MYO5B: variants seen among roughly 807,000 people sequenced by gnomAD.
MYO5B encodes myosin VB, also known as unconventional myosin-Vb.
Under a neutral mutation model 229.3 loss-of-function variants are expected in MYO5B, and 143 were observed. The observed-to-expected ratio is 0.62, with a 90% CI of 0.54 to 0.72. The LOEUF is 0.72. Among genes scored for constraint, MYO5B ranks in the 30% least tolerant of loss-of-function variants. The probability of loss-of-function intolerance (pLI) is 0.00; values close to 1 mark genes in which losing one functional copy is unlikely to be tolerated. For synonymous variants in MYO5B, 918 were observed against 885.2 expected, an observed-to-expected ratio of 1.04 and a Z score of -0.66; for missense variants, 2,321 against 2,331.0, an observed-to-expected ratio of 1.00 and a Z score of 0.09.
intron 22 of MYO5B, among the ~76,000 whole-genome samples, chr18:49,882,004 G>A (rs988833390): frequency 6.6e-5 from 10 of 152,092 alleles, no homozygotes; most frequent in Non-Finnish European, 1.5e-4. Flanking sequence ...TCACCTTTGC[G>A]CTTGGATCCC....
At chr18:49,956,510 A>C (rs2025494109) in intron 12 of MYO5B, among the ~76,000 whole-genome samples, 1 of 152,226 alleles carries the variant, frequency 6.6e-6, no homozygotes, top group South Asian at 2.1e-4. Flanking sequence ...AAAGCAGAAC[A>C]AGGTAGAAGG....
intron 21 of MYO5B, among the ~76,000 whole-genome samples, chr18:49,897,101 CT>C (rs2024787265): frequency 6.6e-6 from 1 of 152,126 alleles, no homozygotes; most frequent in Non-Finnish European, 1.5e-5. Flanking sequence ...GCTCCTATGT[CT>C]TTTCATGGGC....
At chr18:50,006,824 C>T (rs1860142412) in intron 4 of MYO5B, among the ~76,000 whole-genome samples, 1 of 152,186 alleles carries the variant, frequency 6.6e-6, no homozygotes, top group African/African-American at 2.4e-5. Flanking sequence ...GCCAGGGAGG[C>T]ACCCAGGGAG....
At chr18:50,029,419 T>C (rs181916153) in intron 4 of MYO5B, among the ~76,000 whole-genome samples, 1 of 152,334 alleles carries the variant, frequency 6.6e-6, no homozygotes, top group East Asian at 1.9e-4. Context: ...TCAGACATTT[T>C]AAGCATCTCT....
At chr18:49,939,287 AG>A (rs770916461) in intron 14 of MYO5B, among the ~76,000 whole-genome samples, 27 of 151,592 alleles carry the variant, frequency 1.8e-4, no homozygotes, top group Non-Finnish European at 2.1e-4. Context: ...CTGGGACTGC[AG>A]GCGTGCACTA....
intron 10 of MYO5B, among the ~76,000 whole-genome samples, chr18:49,967,171 T>C (rs1177159408): frequency 2.0e-5 from 3 of 152,224 alleles, no homozygotes; most frequent in African/African-American, 4.8e-5. Flanking sequence ...GATGGCACAA[T>C]GATCACACTG....
At chr18:50,129,993 C>G (rs1416157170) in intron 1 of MYO5B, among the ~76,000 whole-genome samples, 2 of 152,196 alleles carry the variant, frequency 1.3e-5, no homozygotes, top group Non-Finnish European at 1.5e-5. Context: ...TCAAACCCTT[C>G]CCAGGAGCAG....
At chr18:49,948,546 G>A (rs901570415) in intron 14 of MYO5B, among the ~76,000 whole-genome samples, 1 of 152,186 alleles carries the variant, frequency 6.6e-6, no homozygotes, top group African/African-American at 2.4e-5. Flanking sequence ...ATCTTAAACA[G>A]GAAGCAAAGT....
chr18:49,952,037 G>T lies in MYO5B; in HGVS notation c.1752+1223C>A, dbSNP rs1326867532. Among the ~76,000 whole-genome samples the T allele has an allele frequency of 2.6e-5, 4 of 152,188 alleles. No homozygotes were observed. In the East Asian group the frequency reaches 7.7e-4, roughly 29 times the overall value. On this transcript the variant is annotated intron_variant, in intron 14 of 39. Coordinates refer to ENST00000285039, the MANE Select transcript of MYO5B (RefSeq NM_001080467.3). ...TTGTCCCAGTGATGACTAATTCTCT[G>T]ATGTTCCAGATATCCAGAGATCACA...
chr18:50,063,685 A>C (rs2144433038), intron 1 of MYO5B: 1 of 152,322 alleles, frequency 6.6e-6, no homozygotes, highest in South Asian at 2.1e-4. Flanking sequence ...AACAAAAGTC[A>C]ATTATAACCA....
At chr18:50,013,152 T>C (rs1298834029) in intron 4 of MYO5B, among the ~76,000 whole-genome samples, 1 of 152,198 alleles carries the variant, frequency 6.6e-6, no homozygotes, top group Admixed American at 6.5e-5. Context: ...AGACTCGCTT[T>C]AGTGGGCCAG....
At chr18:49,900,348 C>T (rs891429209) in intron 21 of MYO5B, among the ~76,000 whole-genome samples, 3 of 152,356 alleles carry the variant, frequency 2.0e-5, no homozygotes, top group East Asian at 3.9e-4. Flanking sequence ...TGTATCACAG[C>T]AGGCTGACCA....
intron 1 of MYO5B, among the ~76,000 whole-genome samples, chr18:50,080,844 T>C (rs1373651085): frequency 6.6e-6 from 1 of 152,082 alleles, no homozygotes; most frequent in Non-Finnish European, 1.5e-5. Flanking sequence ...TGCTGAGGTG[T>C]TCATGCAGCA....
chr18:49,973,636 G>C (rs1219874387), intron 10 of MYO5B, among the ~76,000 whole-genome samples: 3 of 152,166 alleles, frequency 2.0e-5, no homozygotes, highest in African/African-American at 7.2e-5. Flanking sequence ...AAGAACCTCA[G>C]GGAGACTGTG....
At position 49,877,864 on chromosome 18, in the gene MYO5B, G is replaced by C; in HGVS notation, c.3295C>G (p.Arg1099Gly). Reference sequence around the variant, plus strand: ...AAGCTACTTTGGTTTGATGGGTTCCGCCTATGACCTGGAGTTTGCTGTTCA... The same window carrying C: ...AAGCTACTTTGGTTTGATGGGTTCCCCCTATGACCTGGAGTTTGCTGTTCA... ...TIIKQTPGHR[R>G]NPSNQSSLES... is the part of the protein sequence containing the mutation. Residue 1099 changes from arginine to glycine, a missense_variant, in exon 25 of 40, where the codon CGG becomes GGG. Physicochemically the swap from Arg to Gly is moderately radical, Grantham distance 125 (BLOSUM62 -2). Coordinates refer to ENST00000285039, the MANE Select transcript of MYO5B (RefSeq NM_001080467.3). The C allele has an allele frequency of 6.2e-7, 1 of 1,614,082 alleles. No individual in the cohort carries two copies. The highest frequency in any genetic ancestry group is 8.5e-7 in the Non-Finnish European group (1 of 1,179,980).
chr18:50,112,126 A>G (rs949931), intron 1 of MYO5B, among the ~76,000 whole-genome samples: 56,920 of 152,002 alleles, frequency 0.37, 11,069 homozygotes, highest in East Asian at 0.48. Flanking sequence ...TAGTCAAAGA[A>G]AGCCTCTCTA....
In MYO5B at chr18:49,954,027, T is replaced by C. The variant is rs1263706093; in HGVS notation, c.1668+286A>G. On this transcript the variant is annotated intron_variant, in intron 13 of 39. Transcript: ENST00000285039. Reference sequence around the variant, plus strand: ...ATATATGTGTGTATGTATTTATATGTGTGTGTGTGTGTGTGTGTGTGTGTG... The same window carrying C: ...ATATATGTGTGTATGTATTTATATGCGTGTGTGTGTGTGTGTGTGTGTGTG... Among the ~76,000 whole-genome samples, 8 of 4,062 alleles carry C rather than the reference T, an allele frequency of 2.0e-3. 1 individual carries two copies. The highest frequency in any genetic ancestry group is 6.0e-3 in the Admixed American group (2 of 334). The allele number at this position is 4,062 out of a possible 152,430, so 2.7% of individuals were successfully genotyped here. A position where few individuals can be genotyped will look rare whatever the true frequency, so the allele number is the denominator to read the frequency against.
intron 15 of MYO5B, among the ~76,000 whole-genome samples, chr18:49,936,718 T>C (rs2025254477): frequency 6.6e-6 from 1 of 152,126 alleles, no homozygotes; most frequent in Admixed American, 6.5e-5. Flanking sequence ...GACCCTGACA[T>C]CCGATGCCTG....
At chr18:50,042,336 A>G (rs958370890) in intron 2 of MYO5B, among the ~76,000 whole-genome samples, 2 of 152,194 alleles carry the variant, frequency 1.3e-5, no homozygotes, top group Non-Finnish European at 2.9e-5. Context: ...TAAAGTTTGT[A>G]AGAGAATTCC....
Sources: allele counts gnomAD v4.1 joint callset (sites outside exome capture counted in the v4.1 genomes callset), GRCh38; gene constraint gnomAD v4.1.1; transcripts MANE v1.5; gene names NCBI Gene and HGNC (gene_info 2026-07-23, HGNC 2026-07-21).